TNS3: variants seen among roughly 807,000 people sequenced by gnomAD.
TNS3 encodes the protein tensin 3, also known as tensin-3.
TNS3 carries 45 observed loss-of-function variants against 140.9 expected under a neutral mutation model. That is an observed-to-expected ratio of 0.32 (90% CI 0.25 to 0.41). The LOEUF (loss-of-function observed/expected upper bound fraction) is 0.41, where lower values mean the gene tolerates loss of function less well. Ranked by LOEUF, TNS3 falls within the 10% of genes least tolerant of loss-of-function variation. TNS3 has a pLI of 1.00. For synonymous variants in TNS3, 815 were observed against 788.4 expected, an observed-to-expected ratio of 1.03 and a Z score of -0.56; for missense variants, 1,716 against 1,906.7, an observed-to-expected ratio of 0.90 and a Z score of 1.86.
At chr7:47,566,327 C>T (rs1297827182) in intron 1 of TNS3, among the ~76,000 whole-genome samples, 1 of 152,240 alleles carries the variant, frequency 6.6e-6, no homozygotes, top group African/African-American at 2.4e-5. Flanking sequence ...CACGTTTCCA[C>T]TGCAGTTACA....
intron 17 of TNS3, among the ~76,000 whole-genome samples, chr7:47,347,366 C>G (rs1301225647): frequency 6.6e-6 from 1 of 152,142 alleles, no homozygotes; most frequent in East Asian, 1.9e-4. Flanking sequence ...CCACTGACAC[C>G]TCCTACATCC....
intron 12 of TNS3, among the ~76,000 whole-genome samples, chr7:47,412,356 C>T (rs946947045): frequency 1.3e-5 from 2 of 152,178 alleles, no homozygotes; most frequent in Admixed American, 6.5e-5. Flanking sequence ...ACATGGCTCA[C>T]GCCTGTAATC....
chr7:47,434,773 G>A (rs892043888), intron 8 of TNS3, among the ~76,000 whole-genome samples: 3 of 152,164 alleles, frequency 2.0e-5, no homozygotes, highest in Admixed American at 6.5e-5. Context: ...AGACAGTCCC[G>A]GCCACTCTGT....
At chr7:47,411,635 G>T in intron 13 of TNS3, 92 bp downstream of exon 13, 3 of 1,354,744 alleles carry the variant, frequency 2.2e-6, no homozygotes, top group South Asian at 2.7e-5. Context: ...TGGGGGTGAG[G>T]GTTACTGTTT....
intron 4 of TNS3, among the ~76,000 whole-genome samples, chr7:47,465,778 G>A (rs1796685166): frequency 6.6e-6 from 1 of 151,896 alleles, no homozygotes; most frequent in Non-Finnish European, 1.5e-5. Context: ...TACAAAATTA[G>A]CCGGGCGTGG....
At chr7:47,302,849 CCCAGCACTAGAGATATG>C in intron 22 of TNS3, 84 bp downstream of exon 22, 1 of 1,462,846 alleles carries the variant, frequency 6.8e-7, no homozygotes, top group East Asian at 2.3e-5. Context: ...AGGTGCCCAG[CCCAGCACTAGAGATATG>C]CCAGCTCAGC....
At chr7:47,401,167 C>T (rs541415680) in intron 13 of TNS3, among the ~76,000 whole-genome samples, 45 of 152,350 alleles carry the variant, frequency 3.0e-4, no homozygotes, top group African/African-American at 1.0e-3. Flanking sequence ...CCCTGTGCTG[C>T]TCCTGTGGAA....
At chr7:47,536,586 C>T (rs1367331685) in intron 1 of TNS3, among the ~76,000 whole-genome samples, 1 of 152,224 alleles carries the variant, frequency 6.6e-6, no homozygotes, top group African/African-American at 2.4e-5. Flanking sequence ...TATCCCAATT[C>T]CATTGCAGGG....
chr7:47,383,223 C>G (rs1791877429), intron 16 of TNS3, among the ~76,000 whole-genome samples: 1 of 152,132 alleles, frequency 6.6e-6, no homozygotes, highest in African/African-American at 2.4e-5. Flanking sequence ...AGTGGCACAC[C>G]ACAGCCATGA....
intron 20 of TNS3, among the ~76,000 whole-genome samples, chr7:47,317,165 T>C (rs1787460778): frequency 6.6e-6 from 1 of 152,248 alleles, no homozygotes; most frequent in Admixed American, 6.5e-5. Flanking sequence ...ATTGTTTCTG[T>C]CTTTTTAAAG....
intron 4 of TNS3, chr7:47,453,224 G>A (rs1053231313): frequency 5.1e-6 from 5 of 985,348 alleles, no homozygotes; most frequent in Non-Finnish European, 6.0e-6. Context: ...GGGGCTGAGG[G>A]CCAGCCTGCC....
At chr7:47,425,865 A>G (rs185242088) in intron 9 of TNS3, among the ~76,000 whole-genome samples, 1 of 152,152 alleles carries the variant, frequency 6.6e-6, no homozygotes, top group Non-Finnish European at 1.5e-5. Flanking sequence ...TTTGTGATAA[A>G]GATCTCAAAT....
intron 1 of TNS3, among the ~76,000 whole-genome samples, chr7:47,550,985 C>G (rs1221006886): frequency 1.3e-5 from 2 of 152,194 alleles, no homozygotes; most frequent in Non-Finnish European, 2.9e-5. Flanking sequence ...AGCACATCTC[C>G]CAAGTCTGCA....
At chr7:47,403,372 C>T (rs1793266768) in intron 13 of TNS3, 1 of 152,244 alleles carries the variant, frequency 6.6e-6, no homozygotes, top group Non-Finnish European at 1.5e-5. Flanking sequence ...CCATATGATT[C>T]TCCTGTAAGA....
chr7:47,517,809 G>T (rs749818917), intron 2 of TNS3, among the ~76,000 whole-genome samples: 2 of 152,140 alleles, frequency 1.3e-5, no homozygotes. Flanking sequence ...CGGAGGGAGG[G>T]TTCCACAGTC....
intron 1 of TNS3, among the ~76,000 whole-genome samples, chr7:47,568,727 A>C (rs370769867): frequency 6.6e-6 from 1 of 152,250 alleles, no homozygotes; most frequent in South Asian, 2.1e-4. Flanking sequence ...CAAACAGAAC[A>C]GTGCGTTATG....
At chr7:47,521,701 C>T (rs777471466) in intron 2 of TNS3, among the ~76,000 whole-genome samples, 1 of 152,034 alleles carries the variant, frequency 6.6e-6, no homozygotes, top group East Asian at 1.9e-4. Context: ...CAGCACAGTC[C>T]AGCAAGAGGT....
intron 30 of TNS3, chr7:47,278,616 C>T (rs747437380): frequency 3.6e-5 from 6 of 168,960 alleles, no homozygotes; most frequent in Non-Finnish European, 6.3e-5. Context: ...GTCTGCAAGG[C>T]GAGTGGCAAG....
At chr7:47,540,405 C>G (rs1354305773) in intron 1 of TNS3, among the ~76,000 whole-genome samples, 1 of 152,132 alleles carries the variant, frequency 6.6e-6, no homozygotes, top group Non-Finnish European at 1.5e-5. Context: ...GGACATGAGC[C>G]CCTCCATGAG....
Sources: gnomAD v4.1 joint callset for allele counts (sites outside exome capture counted in the v4.1 genomes callset) on GRCh38, gnomAD v4.1.1 for gene constraint, MANE v1.5 for transcripts, NCBI Gene and HGNC (gene_info 2026-07-23, HGNC 2026-07-21) for gene names.